SPATC1L: variants seen among roughly 807,000 people sequenced by gnomAD.
The protein encoded by SPATC1L is speriolin-like protein.
In SPATC1L, 20 loss-of-function variants were observed where a neutral mutation model predicts 21.2. That is an observed-to-expected ratio of 0.94 (90% CI 0.66 to 1.37). The LOEUF is 1.37. SPATC1L is among the 40% of genes most tolerant of loss of function. The probability of loss-of-function intolerance (pLI) is 0.00; values close to 1 mark genes in which losing one functional copy is unlikely to be tolerated. For missense variants in SPATC1L, 499 were observed against 478.7 expected (o/e 1.04, Z -0.40); for synonymous variants, 290 against 234.5 (o/e 1.24, Z -2.16).
chr21:46,169,590 C>T (rs78176367), intron 2 of SPATC1L, among the ~76,000 whole-genome samples: 9 of 126,040 alleles, frequency 7.1e-5, no homozygotes, highest in Middle Eastern at 4.3e-3. Context: ...GGGAGGAGCC[C>T]CCTGCTCTGT....
At position 46,168,543 on chromosome 21, in the gene SPATC1L, G is replaced by A; in HGVS notation, c.309C>T (p.Ser103=). 1 of 1,516,304 alleles carries A rather than the reference G, an allele frequency of 6.6e-7. No homozygotes were observed. 93.9% of individuals were successfully genotyped at this position (1,516,304 alleles called of 1,614,324 possible). Residue 103 remains serine, a synonymous_variant, in exon 3 of 5, where the codon TCC becomes TCT. Coordinates refer to ENST00000291672, the MANE Select transcript of SPATC1L (RefSeq NM_001142854.2). The stretch of plus-strand genomic sequence containing the variant: ...CCTGGGAGGGGGCTGCACAGCCCGG[G>A]GAGGTGTCGTCCTCGCTGGACAGGG... The part of the protein sequence containing the change: ...HAPLSSEDDT[S]PGCAAPSQAP...
intron 2 of SPATC1L, among the ~76,000 whole-genome samples, chr21:46,180,880 G>A (rs1569005152): frequency 6.6e-6 from 1 of 152,208 alleles, no homozygotes; most frequent in African/African-American, 2.4e-5. Flanking sequence ...CCCAAGACCC[G>A]TGTCCAGCAA....
chr21:46,175,838 G>C (rs888131361), intron 2 of SPATC1L, among the ~76,000 whole-genome samples: 1 of 151,982 alleles, frequency 6.6e-6, no homozygotes, highest in Non-Finnish European at 1.5e-5. Flanking sequence ...AACAAAACCC[G>C]GCAGAGATGC....
chr21:46,161,234 C>A lies in SPATC1L; in HGVS notation c.*145G>T. 4.2e-6 allele frequency: 3 copies of A among 706,764 alleles called. No homozygotes were observed. The East Asian group carries it at 1.0e-4, about 24-fold the overall frequency. 43.8% of individuals were successfully genotyped at this position (706,764 alleles called of 1,614,324 possible). Reference sequence around the variant, plus strand: ...GCAGCGGCGGGCTGCGGTCGGGGCCCAGCACCGGTGGGAGCGGGGCCTTCT... The same window carrying A: ...GCAGCGGCGGGCTGCGGTCGGGGCCAAGCACCGGTGGGAGCGGGGCCTTCT... On this transcript the variant is annotated 3_prime_UTR_variant, in exon 5 of 5. Coordinates refer to ENST00000291672, the MANE Select transcript of SPATC1L (RefSeq NM_001142854.2).
intron 2 of SPATC1L, among the ~76,000 whole-genome samples, chr21:46,172,257 TG>T (rs2079599516): frequency 1.1e-5 from 1 of 92,498 alleles, no homozygotes; most frequent in Non-Finnish European, 2.3e-5. Flanking sequence ...GAGCACAAGA[TG>T]GGGGTGGAGA....
chr21:46,183,478 C>CTGG lies in SPATC1L; in HGVS notation c.-665_-663dup, dbSNP rs2079696193. On this transcript the variant is annotated 5_prime_UTR_variant, in exon 2 of 5. Coordinates refer to ENST00000291672, the MANE Select transcript of SPATC1L (RefSeq NM_001142854.2). ...AGACCAGTCTGCGGGGGAGACCAGCCTGGGGAGGAGACCAGCCTGCAGGGG... is the reference window on the plus strand; with the variant it reads ...AGACCAGTCTGCGGGGGAGACCAGCCTGGTGGGGAGGAGACCAGCCTGCAGGGG... 2.0e-5 allele frequency: 3 copies of CTGG among 153,416 alleles called. No individual in the cohort carries two copies. The highest frequency in any genetic ancestry group is 6.8e-5 in the African/African-American group (2 of 29,220). 9.5% of individuals were successfully genotyped at this position (153,416 alleles called of 1,614,324 possible).
In SPATC1L at chr21:46,172,103, G is replaced by GGCCGGGGTA. The variant is rs111758719; in HGVS notation, c.194-3446_194-3445insTACCCCGGC. Among the ~76,000 whole-genome samples the GGCCGGGGTA allele has an allele frequency of 7.6e-4, 99 of 130,546 alleles. 23 individuals carry two copies. The highest frequency in any genetic ancestry group is 1.2e-3 in the Non-Finnish European group (74 of 59,720). The allele number at this position is 130,546 out of a possible 152,430, so 85.6% of individuals were successfully genotyped here. ...GGGATGCACAGAGCATGAGGCAGGA[G>GGCCGGGGTA]TGCAGAGCATGAGGCGGGGGATGCA... On this transcript the variant is annotated intron_variant, in intron 2 of 4. Transcript: ENST00000291672.
At chr21:46,182,393 G>A (rs887827928) in intron 2 of SPATC1L, among the ~76,000 whole-genome samples, 1 of 152,222 alleles carries the variant, frequency 6.6e-6, no homozygotes, top group Non-Finnish European at 1.5e-5. Context: ...CAGTCCACCT[G>A]CCAGCGGTTG....
chr21:46,168,255 A>G (rs1157385670), intron 3 of SPATC1L, 53 bp downstream of exon 3: 6 of 1,320,518 alleles, frequency 4.5e-6, no homozygotes, highest in African/African-American at 1.5e-5. Context: ...CCCTCCCCAC[A>G]GCTGCCAGCC....
intron 4 of SPATC1L, 71 bp downstream of exon 4, chr21:46,161,845 A>T (rs1162252562): frequency 1.3e-6 from 2 of 1,561,156 alleles, no homozygotes; most frequent in African/African-American, 2.7e-5. Context: ...AGGAGCCAAG[A>T]TCTGGGGGCC....
Position 46,168,564 on chromosome 21 carries a change from CA to C in SPATC1L, c.287del (p.Leu96ArgfsTer42), listed in dbSNP as rs2079558498. 2.0e-6 allele frequency: 3 copies of C among 1,487,602 alleles called. No individual in the cohort carries two copies. Among genetic ancestry groups the C allele is most frequent in the South Asian group, 1.3e-5 (1 of 77,386 alleles). 92.2% of individuals were successfully genotyped at this position (1,487,602 alleles called of 1,614,324 possible). ...LEDLLCSHAP[L>X]SSEDDTSPGC... ...CCGGGGAGGTGTCGTCCTCGCTGGA[CA>C]GGGGGGCATGTGAGCACAGCAGGTC... On this transcript the variant is annotated frameshift_variant, in exon 3 of 5. Transcript: ENST00000291672. LOFTEE classifies it high-confidence loss of function.
intron 3 of SPATC1L, 75 bp downstream of exon 3, chr21:46,168,233 C>T: frequency 3.8e-6 from 4 of 1,045,790 alleles, no homozygotes; most frequent in Middle Eastern, 2.2e-4. Flanking sequence ...CCTGCCTGAC[C>T]ACCCAGTCAT....
At chr21:46,162,514 G>T (rs553035283) in intron 3 of SPATC1L, among the ~76,000 whole-genome samples, 1 of 151,806 alleles carries the variant, frequency 6.6e-6, no homozygotes, top group South Asian at 2.1e-4. Context: ...GGCATCAAAG[G>T]CTGCTTTAAT....
Position 46,182,990 on chromosome 21 carries a change from C to T in SPATC1L, c.-174G>A. Reference sequence around the variant, plus strand: ...ATGAGGTGCCCAGCACCCTGCCTGCCCCCGCGATGGCTCATGGCCCCGTTG... The same window carrying T: ...ATGAGGTGCCCAGCACCCTGCCTGCTCCCGCGATGGCTCATGGCCCCGTTG... On this transcript the variant is annotated 5_prime_UTR_variant, in exon 2 of 5. Coordinates refer to ENST00000291672, the MANE Select transcript of SPATC1L (RefSeq NM_001142854.2). The T allele has an allele frequency of 1.5e-6, 1 of 688,180 alleles. No individual in the cohort carries two copies. The highest frequency in any genetic ancestry group is 2.3e-6 in the Non-Finnish European group (1 of 440,514). 42.6% of individuals were successfully genotyped at this position (688,180 alleles called of 1,614,324 possible).
Position 46,161,328 on chromosome 21 carries a change from G to C in SPATC1L, c.*51C>G. ...GACGCGCAGGAGGCACCGCGGCCCC[G>C]GGTTGGAACAAACGCGTTTACTGCA... is the stretch of plus-strand genomic sequence containing the variant. On this transcript the variant is annotated 3_prime_UTR_variant, in exon 5 of 5. Transcript: ENST00000291672. 6.9e-7 allele frequency: 1 copy of C among 1,443,646 alleles called. No individual in the cohort carries two copies. Among genetic ancestry groups the C allele is most frequent in the South Asian group, 1.4e-5 (1 of 69,336 alleles). 89.4% of individuals were successfully genotyped at this position (1,443,646 alleles called of 1,614,324 possible).
chr21:46,168,775 C>G (rs139572736), intron 2 of SPATC1L, 117 bp from the exon 3 acceptor site: 3 of 590,014 alleles, frequency 5.1e-6, no homozygotes, highest in Non-Finnish European at 7.6e-6. Context: ...CAACACCTGC[C>G]GGGGTTTCCC....
chr21:46,180,134 G>A (rs902805232), intron 2 of SPATC1L, among the ~76,000 whole-genome samples: 1 of 152,246 alleles, frequency 6.6e-6, no homozygotes, highest in Non-Finnish European at 1.5e-5. Context: ...CGGCGTCCAC[G>A]GTCGCAGAGA....
Position 46,174,350 on chromosome 21 carries a change from A to AAAAAAAAAAAAAAAAAAC in SPATC1L, c.194-5693_194-5692insGTTTTTTTTTTTTTTTTT, listed in dbSNP as rs2079616339. The stretch of plus-strand genomic sequence containing the variant: ...TCTGTCTCAAAAAACAAAACAAAAA[A>AAAAAAAAAAAAAAAAAAC]AAAAAAAAAACAGAATGGCAAGCTA... On this transcript the variant is annotated intron_variant, in intron 2 of 4. Transcript: ENST00000291672. Among the ~76,000 whole-genome samples, 6 of 148,250 alleles carry AAAAAAAAAAAAAAAAAAC rather than the reference A, an allele frequency of 4.0e-5. No individual in the cohort carries two copies. The South Asian group carries it at 1.4e-3, about 33-fold the overall frequency.
At position 46,161,402 on chromosome 21, in the gene SPATC1L, C is replaced by G; in HGVS notation, c.1000G>C (p.Gly334Arg). The change falls in exon 5 of 5, where the codon GGC becomes CGC. Residue 334 changes from glycine to arginine, a missense_variant. Coordinates refer to ENST00000291672, the MANE Select transcript of SPATC1L (RefSeq NM_001142854.2). ...NCLCELSKED[G>R]KPLFAW Reference sequence around the variant, plus strand: ...GCTCACCAGGCGAAGAGGGGCTTGCCGTCCTCCTTGGAGAGCTCGCACAGG... The same window carrying G: ...GCTCACCAGGCGAAGAGGGGCTTGCGGTCCTCCTTGGAGAGCTCGCACAGG... 3.9e-6 allele frequency: 6 copies of G among 1,529,884 alleles called. No individual in the cohort carries two copies. The highest frequency in any genetic ancestry group is 5.3e-6 in the Non-Finnish European group (6 of 1,140,434). 94.8% of individuals were successfully genotyped at this position (1,529,884 alleles called of 1,614,324 possible).
Sources: gnomAD v4.1 joint callset for allele counts (sites outside exome capture counted in the v4.1 genomes callset) on GRCh38, gnomAD v4.1.1 for gene constraint, MANE v1.5 for transcripts, NCBI Gene and HGNC (gene_info 2026-07-23, HGNC 2026-07-21) for gene names.